Variants in CTTNBP2 observed in about 807,000 individuals in gnomAD.
CTTNBP2 encodes the protein cortactin-binding protein 2.
A neutral mutation model predicts 156.9 loss-of-function variants in CTTNBP2; 108 were observed. That is an observed-to-expected ratio of 0.69 (90% confidence interval 0.59 to 0.81). The LOEUF (loss-of-function observed/expected upper bound fraction) is 0.81. CTTNBP2 is among the 30% of genes least tolerant of loss of function. The pLI, the probability that CTTNBP2 is intolerant of heterozygous loss-of-function variation, is 0.00. For missense variants in CTTNBP2, 1,924 were observed against 2,035.4 expected, an observed-to-expected ratio of 0.95 and a Z score of 1.05; for synonymous variants, 767 against 751.8, an observed-to-expected ratio of 1.02 and a Z score of -0.33.
intron 8 of CTTNBP2, among the ~76,000 whole-genome samples, chr7:117,771,546 G>C (rs954387008): frequency 4.6e-5 from 7 of 152,194 alleles, no homozygotes; most frequent in Non-Finnish European, 8.8e-5. Context: ...TAGGCATGAG[G>C]ATGTGTTTGG....
In CTTNBP2 at chr7:117,792,270, G is replaced by A. The variant is rs151077142; in HGVS notation, c.926C>T (p.Thr309Ile). ...GTVTRSVACQ[T>I]DLVTENADHM... Reference sequence around the variant, plus strand: ...GTCAGCATTTTCTGTCACTAGGTCTGTCTGGCATGCAACAGACCTTGTCAC... The same window carrying A: ...GTCAGCATTTTCTGTCACTAGGTCTATCTGGCATGCAACAGACCTTGTCAC... Residue 309 changes from threonine to isoleucine, a missense_variant, in exon 4 of 23, where the codon ACA (threonine) becomes ATA (isoleucine). Physicochemically the swap from Thr to Ile is moderately conservative, Grantham distance 89. Transcript: ENST00000160373. This position sits in a 1 kb window ranked among gnomAD's most constrained non-coding sequence, Gnocchi z 4.2. 1.9e-6 allele frequency: 3 copies of A among 1,614,082 alleles called. No individual in the cohort carries two copies. The highest frequency in any genetic ancestry group is 2.5e-6 in the Non-Finnish European group (3 of 1,180,046).
At position 117,847,819 on chromosome 7, in the gene CTTNBP2, C is replaced by CTTTTTTT. The variant is rs201419286; in HGVS notation, c.189+13383_189+13389dup. 2.4e-3 allele frequency among the ~76,000 whole-genome samples: 221 copies of CTTTTTTT among 91,332 alleles called. 33 individuals are homozygous for CTTTTTTT. The highest frequency in any genetic ancestry group is 8.0e-3 in the African/African-American group (168 of 20,996). 59.9% of individuals were successfully genotyped at this position (91,332 alleles called of 152,430 possible). ...TTTTTATAGATCTTCTTTGCCTAACCTTTTTTTTTTTTTTTTTTTTTTTTT... is the reference window on the plus strand; with the variant it reads ...TTTTTATAGATCTTCTTTGCCTAACCTTTTTTTTTTTTTTTTTTTTTTTTTTTTTTTT... On this transcript the variant is annotated intron_variant, in intron 2 of 22. Transcript: ENST00000160373.
At chr7:117,799,371 G>A (rs974370768) in intron 3 of CTTNBP2, among the ~76,000 whole-genome samples, 4 of 151,706 alleles carry the variant, frequency 2.6e-5, no homozygotes, top group African/African-American at 9.7e-5. Flanking sequence ...AAATCAATCT[G>A]TGTAACTCAA....
At chr7:117,814,237 G>T (rs1800445284) in intron 2 of CTTNBP2, among the ~76,000 whole-genome samples, 1 of 74,734 alleles carries the variant, frequency 1.3e-5, no homozygotes, top group African/African-American at 5.5e-5. Context: ...TGGTCAAAAA[G>T]CATTTAATTC....
In CTTNBP2 at chr7:117,735,071, G is replaced by C. The variant is rs146038841; in HGVS notation, c.3718C>G (p.His1240Asp). Residue 1240 changes from histidine (H) to aspartate (D), a missense_variant, in exon 16 of 23, where the codon CAT becomes GAT. Physicochemically the swap from His to Asp is moderately conservative, Grantham distance 81. Transcript: ENST00000160373. ...GNGLSECYYFHENCFLMGTIA... is the reference protein window; with the variant it reads ...GNGLSECYYFDENCFLMGTIA... ...GTTCCCATCAGAAAGCAGTTCTCAT[G>C]AAAGTAATAACATTCGGACAGTCCA... 1.2e-6 allele frequency: 2 copies of C among 1,614,032 alleles called. No individual in the cohort carries two copies. Among genetic ancestry groups the C allele is most frequent in the Non-Finnish European group, 1.7e-6 (2 of 1,179,934 alleles).
chr7:117,813,073 T>A (rs934223450), intron 2 of CTTNBP2, among the ~76,000 whole-genome samples: 8 of 152,146 alleles, frequency 5.3e-5, no homozygotes, highest in African/African-American at 1.9e-4. Flanking sequence ...AGGTAGATGA[T>A]ACAGGAGAGG....
chr7:117,775,537 T>A (rs1419217133), intron 8 of CTTNBP2, among the ~76,000 whole-genome samples: 1 of 150,720 alleles, frequency 6.6e-6, no homozygotes, highest in Non-Finnish European at 1.5e-5. Context: ...CCTGAGAGGT[T>A]CAGTAGCCGA....
chr7:117,715,531 T>C (rs1333935105), intron 22 of CTTNBP2, among the ~76,000 whole-genome samples: 1 of 148,702 alleles, frequency 6.7e-6, no homozygotes, highest in Non-Finnish European at 1.5e-5. Flanking sequence ...ACCAAAGATG[T>C]GAACTTGTCC....
At position 117,749,421 on chromosome 7, in the gene CTTNBP2, C is replaced by G. The variant is rs77663687; in HGVS notation, c.3349-3322G>C. On this transcript the variant is annotated intron_variant, in intron 12 of 22. Transcript: ENST00000160373. The stretch of plus-strand genomic sequence containing the variant: ...TGGAATGAACTCCTACTGTCCAACA[C>G]AGCAGACAATGTATGAAGATAAACC... Among the ~76,000 whole-genome samples the G allele has an allele frequency of 2.2e-3, 328 of 152,256 alleles. 1 individual carries two copies. The highest frequency in any genetic ancestry group is 7.5e-3 in the African/African-American group (310 of 41,534).
intron 8 of CTTNBP2, among the ~76,000 whole-genome samples, chr7:117,773,944 C>A (rs1050470661): frequency 6.6e-6 from 1 of 152,046 alleles, no homozygotes; most frequent in Non-Finnish European, 1.5e-5. Flanking sequence ...TTCATGCAGT[C>A]CCCCCAGTGA....
At chr7:117,803,308 A>G (rs562381423) in intron 3 of CTTNBP2, among the ~76,000 whole-genome samples, 3 of 152,284 alleles carry the variant, frequency 2.0e-5, no homozygotes, top group African/African-American at 7.2e-5. Flanking sequence ...ACCAAATACC[A>G]CAAGTTCTCA....
chr7:117,748,843 C>A (rs1435711014), intron 12 of CTTNBP2, among the ~76,000 whole-genome samples: 1 of 152,112 alleles, frequency 6.6e-6, no homozygotes, highest in Admixed American at 6.5e-5. Flanking sequence ...ATTCTAACCC[C>A]CAAGGTGATT....
chr7:117,717,319 AG>A (rs2116348386), intron 22 of CTTNBP2, among the ~76,000 whole-genome samples: 1 of 150,766 alleles, frequency 6.6e-6, no homozygotes, highest in South Asian at 2.1e-4. Flanking sequence ...AATAAAATTG[AG>A]ATTTTTTTTT....
chr7:117,766,790 A>C (rs1797508532), intron 9 of CTTNBP2, among the ~76,000 whole-genome samples: 1 of 152,240 alleles, frequency 6.6e-6, no homozygotes, highest in Non-Finnish European at 1.5e-5. Context: ...AAGTCAGAAG[A>C]AAAATGCAAT....
chr7:117,711,043 TTTG>T lies in CTTNBP2; in HGVS notation c.*491_*493del, dbSNP rs1272602708. 1.3e-5 allele frequency: 2 copies of T among 152,752 alleles called. No individual in the cohort carries two copies. The highest frequency in any genetic ancestry group is 6.5e-5 in the Admixed American group (1 of 15,292). 9.5% of individuals were successfully genotyped at this position (152,752 alleles called of 1,614,324 possible). A position where few individuals can be genotyped will look rare whatever the true frequency, so the allele number is the denominator to read the frequency against. ...ATGGAAAATAACTGTTTAGAAATGA[TTTG>T]TTATTGCCCCATTCTAGTCATTCCC... On this transcript the variant is annotated 3_prime_UTR_variant, in exon 23 of 23. Coordinates refer to ENST00000160373, the MANE Select transcript of CTTNBP2 (RefSeq NM_033427.3).
At chr7:117,827,981 C>G (rs1168342641) in intron 2 of CTTNBP2, among the ~76,000 whole-genome samples, 1 of 152,184 alleles carries the variant, frequency 6.6e-6, no homozygotes, top group African/African-American at 2.4e-5. Context: ...AAGAACCAGC[C>G]TTGGCCACTG....
chr7:117,726,005 C>T (rs745704584), intron 17 of CTTNBP2, among the ~76,000 whole-genome samples: 7 of 152,134 alleles, frequency 4.6e-5, no homozygotes, highest in Admixed American at 2.0e-4. Flanking sequence ...GTATAATCAC[C>T]GGCAAATTAA....
chr7:117,760,852 A>G (rs921041743), intron 9 of CTTNBP2, 142 bp from the exon 10 acceptor site: 1 of 642,244 alleles, frequency 1.6e-6, no homozygotes. Flanking sequence ...CATTACATTG[A>G]ACGTTCTTAC....
intron 14 of CTTNBP2, 107 bp downstream of exon 14, chr7:117,745,724 A>G (rs1796290025): frequency 1.4e-6 from 1 of 723,008 alleles, no homozygotes; most frequent in African/African-American, 1.8e-5. Flanking sequence ...GAATAATTAA[A>G]GTTATCTTAA....
Sources: gnomAD v4.1 joint callset for allele counts (sites outside exome capture counted in the v4.1 genomes callset) on GRCh38, gnomAD v4.1.1 for gene constraint, Gnocchi (gnomAD v3.1) non-coding constraint, MANE v1.5 for transcripts, NCBI Gene and HGNC (gene_info 2026-07-23, HGNC 2026-07-21) for gene names.